The following EYS variants were observed in gnomAD, a reference collection of about 807,000 sequenced individuals.
EYS encodes the protein protein eyes shut homolog.
A neutral mutation model predicts 282.1 loss-of-function variants in EYS; 250 were observed. The observed-to-expected ratio is 0.89, with a 90% confidence interval of 0.80 to 0.98. EYS has a LOEUF of 0.98. EYS is among the 50% of genes least tolerant of loss of function. The probability of loss-of-function intolerance (pLI) is 0.00; values close to 1 mark genes in which losing one functional copy is unlikely to be tolerated. For missense variants in EYS, 4,016 were observed against 3,709.0 expected (o/e 1.08, Z -2.15); for synonymous variants, 1,355 against 1,282.9 (o/e 1.06, Z -1.20).
chr6:65,163,791 G>A (rs1176774748), intron 12 of EYS, among the ~76,000 whole-genome samples: 2 of 151,174 alleles, frequency 1.3e-5, no homozygotes, highest in Admixed American at 6.6e-5. Context: ...CAAATGACAT[G>A]GTCCACAAAT....
At chr6:63,745,296 C>G (rs935744219) in intron 41 of EYS, among the ~76,000 whole-genome samples, 8 of 152,122 alleles carry the variant, frequency 5.3e-5, no homozygotes, top group Admixed American at 2.0e-4. Flanking sequence ...CCATTATTGC[C>G]ACAGACACAC....
At chr6:65,404,065 A>T (rs1278073838) in intron 6 of EYS, among the ~76,000 whole-genome samples, 1 of 152,070 alleles carries the variant, frequency 6.6e-6, no homozygotes, top group Non-Finnish European at 1.5e-5. Context: ...TAAAACCAAG[A>T]TGTCTGCTGT....
chr6:64,319,834 C>A (rs181252629), intron 29 of EYS, among the ~76,000 whole-genome samples: 53 of 151,994 alleles, frequency 3.5e-4, no homozygotes, highest in African/African-American at 1.2e-3. Context: ...GCTGCTGCTG[C>A]TGTTGTGATG....
At chr6:65,575,363 A>G (rs1006154492) in intron 2 of EYS, among the ~76,000 whole-genome samples, 1 of 86,084 alleles carries the variant, frequency 1.2e-5, no homozygotes, top group Admixed American at 1.2e-4. Flanking sequence ...AATATTGATT[A>G]AAAGAAAAAA....
chr6:63,920,471 C>T (rs115602893), intron 35 of EYS, among the ~76,000 whole-genome samples: 2,171 of 152,316 alleles, frequency 0.014, 47 homozygotes, highest in African/African-American at 0.049. Context: ...TTCACAGCTT[C>T]AGTTTTCACT....
At position 64,945,990 on chromosome 6, in the gene EYS, C is replaced by T. The variant is rs9453115; in HGVS notation, c.2260-76G>A. ...CTATAATACAGATATTACTCCTGGC[C>T]ATTTTGATATCTCTGTCAATTTATA... On this transcript the variant is annotated intron_variant, in intron 14 of 42. Transcript: ENST00000503581. The T allele has an allele frequency of 0.31, 344,302 of 1,098,118 alleles. 57,561 individuals carry two copies. Among genetic ancestry groups the T allele is most frequent in the African/African-American group, 0.62 (38,328 of 62,166 alleles). The allele number at this position is 1,098,118 out of a possible 1,614,324, so 68.0% of individuals were successfully genotyped here. A position where few individuals can be genotyped will look rare whatever the true frequency, so the allele number is the denominator to read the frequency against.
chr6:65,126,955 G>T (rs1263890372), intron 12 of EYS, among the ~76,000 whole-genome samples: 3 of 152,058 alleles, frequency 2.0e-5, no homozygotes, highest in African/African-American at 7.2e-5. Context: ...AGTGTGAATT[G>T]TGATCCATCA....
intron 12 of EYS, among the ~76,000 whole-genome samples, chr6:65,181,684 T>A (rs1034291800): frequency 3.3e-5 from 5 of 152,206 alleles, no homozygotes; most frequent in East Asian, 1.9e-4. Flanking sequence ...GAAATACCAT[T>A]TGACCCAGCC....
rs1388356704 is a variant in EYS at position 64,822,729 on chromosome 6, T to C, written c.3086A>G (p.Asp1029Gly). ...CIDGINHYTC[D>G]CKSGFFGTHC... is the part of the protein sequence containing the mutation. The stretch of plus-strand genomic sequence containing the variant: ...TGTTCCAAAAAACCCACTCTTGCAG[T>C]CACAGGTATAATGATTGATGCCATC... Residue 1029 changes from aspartate (D) to glycine (G), a missense_variant, in exon 20 of 43, where the codon GAC (aspartate) becomes GGC (glycine). Transcript: ENST00000503581. 6.5e-7 allele frequency: 1 copy of C among 1,549,784 alleles called. No homozygotes were observed.
chr6:64,705,331 G>A (rs960852883), intron 22 of EYS, among the ~76,000 whole-genome samples: 1 of 151,824 alleles, frequency 6.6e-6, no homozygotes. Context: ...GGAAATCATA[G>A]ATAAACAAAC....
chr6:64,697,200 T>C (rs539302930), intron 22 of EYS, among the ~76,000 whole-genome samples: 7 of 152,056 alleles, frequency 4.6e-5, no homozygotes, highest in Admixed American at 3.3e-4. Context: ...AAATTGAAGG[T>C]AGAGCAGTAG....
chr6:64,565,497 A>C (rs1427161295), intron 26 of EYS, among the ~76,000 whole-genome samples: 1 of 152,180 alleles, frequency 6.6e-6, no homozygotes, highest in African/African-American at 2.4e-5. Flanking sequence ...CATTATACAA[A>C]GTGGAATAAT....
intron 33 of EYS, among the ~76,000 whole-genome samples, chr6:64,028,417 C>A (rs1453495040): frequency 6.6e-6 from 1 of 152,188 alleles, no homozygotes; most frequent in Non-Finnish European, 1.5e-5. Context: ...GTACAAAAAC[C>A]AAACGGTCAT....
intron 14 of EYS, among the ~76,000 whole-genome samples, chr6:64,978,153 A>G (rs928893842): frequency 2.0e-5 from 3 of 151,882 alleles, no homozygotes; most frequent in African/African-American, 7.2e-5. Context: ...TAGAGAGGAG[A>G]TGTCAATGCC....
chr6:63,945,050 T>G (rs372582889), intron 35 of EYS, among the ~76,000 whole-genome samples: 3 of 152,240 alleles, frequency 2.0e-5, no homozygotes, highest in East Asian at 3.8e-4. Flanking sequence ...AGTAAATCAC[T>G]GTTTTGATAA....
At chr6:64,302,442 A>G (rs897847793) in intron 30 of EYS, among the ~76,000 whole-genome samples, 2 of 152,158 alleles carry the variant, frequency 1.3e-5, no homozygotes, top group Non-Finnish European at 2.9e-5. Context: ...ACCAACACTT[A>G]TCTAATTAGT....
At chr6:64,130,802 G>A (rs1773949250) in intron 31 of EYS, among the ~76,000 whole-genome samples, 1 of 152,102 alleles carries the variant, frequency 6.6e-6, no homozygotes, top group Admixed American at 6.6e-5. Context: ...TAAAGTGGGA[G>A]GAGATTGTGG....
At chr6:65,330,367 G>A (rs892774081) in intron 11 of EYS, 6 of 984,294 alleles carry the variant, frequency 6.1e-6, no homozygotes, top group Non-Finnish European at 7.2e-6. Flanking sequence ...TTCAAAAACA[G>A]GTGGGAGTCA....
chr6:64,227,847 C>T (rs905105960), intron 31 of EYS, among the ~76,000 whole-genome samples: 2 of 151,742 alleles, frequency 1.3e-5, no homozygotes, highest in Non-Finnish European at 2.9e-5. Context: ...GCATTTAATA[C>T]TAAGAACATT....
Sources: gnomAD v4.1 joint callset for allele counts (sites outside exome capture counted in the v4.1 genomes callset) on GRCh38, gnomAD v4.1.1 for gene constraint, MANE v1.5 for transcripts, NCBI Gene and HGNC (gene_info 2026-07-23, HGNC 2026-07-21) for gene names.